The following TUBGCP2 variants were observed in gnomAD, a reference collection of about 807,000 sequenced individuals.
TUBGCP2 encodes the protein gamma-tubulin complex component 2.
Under a neutral mutation model 92.2 loss-of-function variants are expected in TUBGCP2, and 55 were observed. The ratio of observed to expected loss-of-function variants is 0.60; its 90% CI spans 0.48 to 0.75. The LOEUF (loss-of-function observed/expected upper bound fraction) is 0.75. Ranked by LOEUF, TUBGCP2 falls within the 30% of genes least tolerant of loss-of-function variation. The probability of loss-of-function intolerance (pLI) is 0.00; values close to 1 mark genes in which losing one functional copy is unlikely to be tolerated. For synonymous variants in TUBGCP2, 533 were observed against 505.2 expected, an observed-to-expected ratio of 1.06 and a Z score of -0.74; for missense variants, 1,093 against 1,188.9, an observed-to-expected ratio of 0.92 and a Z score of 1.19.
intron 1 of TUBGCP2, among the ~76,000 whole-genome samples, chr10:133,306,705 A>G (rs1250345929): frequency 1.3e-5 from 2 of 152,146 alleles, no homozygotes; most frequent in Non-Finnish European, 2.9e-5. Context: ...GGAGAATGGC[A>G]TGAACCCGAG....
chr10:133,293,615 C>T lies in TUBGCP2; in HGVS notation c.771G>A (p.Arg257=). Residue 257 remains arginine (R), a synonymous_variant, in exon 6 of 18, where the codon AGG becomes AGA. Transcript: ENST00000252936. The part of the protein sequence containing the change: ...LVDPNLDLSI[R]ELVHRILPVA... The stretch of plus-strand genomic sequence containing the variant: ...CTGGGAGGATCCTGTGCACCAGCTC[C>T]CTGATGGACAGGTCCAGGTTGGGGT... 6.4e-7 allele frequency: 1 copy of T among 1,566,010 alleles called. No homozygotes were observed. The highest frequency in any genetic ancestry group is 8.7e-7 in the Non-Finnish European group (1 of 1,155,450).
intron 1 of TUBGCP2, among the ~76,000 whole-genome samples, chr10:133,306,606 T>C (rs953323931): frequency 6.6e-6 from 1 of 151,924 alleles, no homozygotes; most frequent in Non-Finnish European, 1.5e-5. Flanking sequence ...GCTAACATGG[T>C]GAAACCCCAT....
Position 133,279,627 on chromosome 10 carries a change from A to C in TUBGCP2, c.*139T>G, listed in dbSNP as rs1216701500. 1 of 1,299,358 alleles carries C rather than the reference A, an allele frequency of 7.7e-7. No homozygotes were observed. The highest frequency in any genetic ancestry group is 1.0e-6 in the Non-Finnish European group (1 of 1,000,432). The allele number at this position is 1,299,358 out of a possible 1,614,324, so 80.5% of individuals were successfully genotyped here. A position where few individuals can be genotyped will look rare whatever the true frequency, so the allele number is the denominator to read the frequency against. ...AACGAAACCCAGCGCCTTGAGAAAC[A>C]AAGTGAGCTGAGTCAATCATTCCTG... is the stretch of plus-strand genomic sequence containing the variant. On this transcript the variant is annotated 3_prime_UTR_variant, in exon 18 of 18. Coordinates refer to ENST00000252936, the MANE Select transcript of TUBGCP2 (RefSeq NM_006659.4).
At chr10:133,282,823 G>A (rs996967559) in intron 15 of TUBGCP2, among the ~76,000 whole-genome samples, 14 of 152,348 alleles carry the variant, frequency 9.2e-5, no homozygotes, top group East Asian at 3.9e-4. Context: ...CAAAGGCCCC[G>A]GACAGAGACC....
In TUBGCP2 at chr10:133,280,237, C is replaced by G. The variant is rs1462734346; in HGVS notation, c.2574-336G>C. On this transcript the variant is annotated intron_variant, in intron 17 of 17. Coordinates refer to ENST00000252936, the MANE Select transcript of TUBGCP2 (RefSeq NM_006659.4). The stretch of plus-strand genomic sequence containing the variant: ...TCAAAGGCACAAACACAGGTTTCTT[C>G]TCTCCTGGCCCCAGAAAGTTGGGGC... 3.9e-5 allele frequency among the ~76,000 whole-genome samples: 6 copies of G among 152,348 alleles called. No homozygotes were observed. The South Asian group carries it at 1.0e-3, about 26-fold the overall frequency.
chr10:133,299,599 A>G lies in TUBGCP2; in HGVS notation c.284T>C (p.Leu95Pro), dbSNP rs761988047. ...LSKLTEDKET[L>P]QYLQQNAKER... ...TTTTGCATTCTGTTGTAAGTACTGC[A>G]GAGTCTGAAAACATGTAAAACTGTG... The change falls in exon 4 of 18, where the codon CTG becomes CCG. Residue 95 changes from leucine (L) to proline (P), a missense_variant. Physicochemically the swap from Leu to Pro is moderately conservative, Grantham distance 98. This residue lies in a region of TUBGCP2 where 490 missense variants were observed against 488.5 expected (regional missense o/e 1.00). Coordinates refer to ENST00000252936, the MANE Select transcript of TUBGCP2 (RefSeq NM_006659.4). 3.1e-6 allele frequency: 5 copies of G among 1,605,714 alleles called. No individual in the cohort carries two copies. The highest frequency in any genetic ancestry group is 4.3e-6 in the Non-Finnish European group (5 of 1,174,420).
At chr10:133,298,566 C>A (rs1340539240) in intron 4 of TUBGCP2, among the ~76,000 whole-genome samples, 1 of 152,256 alleles carries the variant, frequency 6.6e-6, no homozygotes, top group Admixed American at 6.5e-5. Context: ...AGGGCCCCAG[C>A]GTGACAGGAT....
chr10:133,279,620 G>A lies in TUBGCP2; in HGVS notation c.*146C>T. 3.2e-6 allele frequency: 4 copies of A among 1,267,568 alleles called. No homozygotes were observed. Among genetic ancestry groups the A allele is most frequent in the Non-Finnish European group, 4.1e-6 (4 of 972,126 alleles). The allele number at this position is 1,267,568 out of a possible 1,614,324, so 78.5% of individuals were successfully genotyped here. ...TCTATAAAACGAAACCCAGCGCCTT[G>A]AGAAACAAAGTGAGCTGAGTCAATC... On this transcript the variant is annotated 3_prime_UTR_variant, in exon 18 of 18. Transcript: ENST00000252936.
At chr10:133,308,923 C>A (rs1847905516), upstream of TUBGCP2, 1 of 1,214,098 alleles carries the variant, frequency 8.2e-7, no homozygotes, top group African/African-American at 1.6e-5. Flanking sequence ...CGACAGGCTG[C>A]GCCCGCCCGC....
rs1847033292 is a variant in TUBGCP2 at position 133,283,176 on chromosome 10, C to T, written c.2191G>A (p.Asp731Asn). 1 of 1,614,090 alleles carries T rather than the reference C, an allele frequency of 6.2e-7. No individual in the cohort carries two copies. Among genetic ancestry groups the T allele is most frequent in the Non-Finnish European group, 8.5e-7 (1 of 1,180,050 alleles). ...DVLGHHTGFL[D>N]TCLKDCMLTN... ...AGCATGCAGTCCTTCAGGCAGGTGT[C>T]CAGGAAGCCTGTGTGGTGGCCAAGG... The change falls in exon 15 of 18, where the codon GAC becomes AAC. Residue 731 changes from aspartate (D) to asparagine (N), a missense_variant. By Grantham distance (23) the Asp-to-Asn change is conservative (BLOSUM62 1). Coordinates refer to ENST00000252936, the MANE Select transcript of TUBGCP2 (RefSeq NM_006659.4).
Position 133,288,833 on chromosome 10 carries a change from G to GA in TUBGCP2, c.1541+6dup, listed in dbSNP as rs1477126276. The GA allele has an allele frequency of 2.5e-6, 4 of 1,602,674 alleles. No individual in the cohort carries two copies. The highest frequency in any genetic ancestry group is 3.4e-6 in the Non-Finnish European group (4 of 1,173,302). On this transcript the variant is annotated splice_region_variant and intron_variant, in intron 10 of 17. Transcript: ENST00000252936. ...AGTGCCCGCACAGGGACAGGGCACG[G>GA]AATCACCTGAGGTGAGCCACCAGCT...
Position 133,285,029 on chromosome 10 carries a change from C to T in TUBGCP2, c.2024+56G>A. 1.3e-6 allele frequency: 2 copies of T among 1,551,108 alleles called. No individual in the cohort carries two copies. Among genetic ancestry groups the T allele is most frequent in the East Asian group, 2.3e-5 (1 of 44,180 alleles). Reference sequence around the variant, plus strand: ...ACAAGGGGGGCGCTGCACCACTGGGCAGAGTGCAGCGAGCGCTGCTTCAGG... The same window carrying T: ...ACAAGGGGGGCGCTGCACCACTGGGTAGAGTGCAGCGAGCGCTGCTTCAGG... On this transcript the variant is annotated intron_variant, in intron 13 of 17. Coordinates refer to ENST00000252936, the MANE Select transcript of TUBGCP2 (RefSeq NM_006659.4). The surrounding 1 kb of genome is among the most constrained non-coding windows in gnomAD (Gnocchi z 6.8).
intron 15 of TUBGCP2, among the ~76,000 whole-genome samples, 193 bp from the exon 16 acceptor site, chr10:133,282,535 C>T (rs1403645812): frequency 5.3e-5 from 8 of 152,206 alleles, no homozygotes; most frequent in Non-Finnish European, 1.0e-4. Flanking sequence ...CTACCTTCCA[C>T]GGTGACCAGC....
chr10:133,312,038 G>GT, upstream of TUBGCP2: 1 of 1,510,332 alleles, frequency 6.6e-7, no homozygotes. Context: ...CGCATACTCT[G>GT]TTTTTGAGCC....
At chr10:133,305,966 G>C (rs1194552620) in intron 1 of TUBGCP2, among the ~76,000 whole-genome samples, 1 of 152,246 alleles carries the variant, frequency 6.6e-6, no homozygotes, top group Non-Finnish European at 1.5e-5. Context: ...TTCTGAAAAG[G>C]GGAAGCCCTA....
chr10:133,289,318 AGAAATAATTTC>A (rs1360605647), intron 9 of TUBGCP2, among the ~76,000 whole-genome samples: 1 of 152,232 alleles, frequency 6.6e-6, no homozygotes, highest in African/African-American at 2.4e-5. Context: ...CCAAGGGCAC[AGAAATAATTTC>A]GAACAGGCAT....
chr10:133,312,137 C>T, upstream of TUBGCP2: 1 of 1,438,354 alleles, frequency 7.0e-7, no homozygotes, highest in Non-Finnish European at 9.1e-7. Flanking sequence ...GCTTCAGTCA[C>T]AACCCAGGCG....
intron 5 of TUBGCP2, chr10:133,296,033 G>C (rs71484069): frequency 6.6e-6 from 1 of 152,406 alleles, no homozygotes; most frequent in Non-Finnish European, 1.5e-5. Flanking sequence ...GGGCGAGGCC[G>C]CCCCTTTCCT....
intron 1 of TUBGCP2, among the ~76,000 whole-genome samples, chr10:133,306,456 G>A (rs1269509862): frequency 6.6e-6 from 1 of 152,186 alleles, no homozygotes; most frequent in East Asian, 1.9e-4. Flanking sequence ...AGTCAGGAGA[G>A]AAAGCTACCT....
Sources: allele counts gnomAD v4.1 joint callset (sites outside exome capture counted in the v4.1 genomes callset), GRCh38; gene constraint gnomAD v4.1.1; regional missense constraint gnomAD v4.1.1; non-coding constraint Gnocchi (gnomAD v3.1); transcripts MANE v1.5; gene names NCBI Gene and HGNC (gene_info 2026-07-23, HGNC 2026-07-21).